Variants in VWA3A observed in about 807,000 individuals in gnomAD.
The protein encoded by VWA3A is von Willebrand factor A domain-containing protein 3A.
VWA3A carries 134 observed loss-of-function variants against 160.4 expected under a neutral mutation model. The observed-to-expected ratio is 0.84, with a 90% CI of 0.73 to 0.96. VWA3A has a LOEUF of 0.96. Among genes scored for constraint, VWA3A ranks in the 40% least tolerant of loss-of-function variants. VWA3A has a pLI of 0.00. For synonymous variants in VWA3A, 476 were observed against 543.4 expected (o/e 0.88, Z 1.72); for missense variants, 1,310 against 1,447.9 (o/e 0.90, Z 1.55).
At chr16:22,103,576 T>C (rs1409323831) in intron 6 of VWA3A, 47 bp downstream of exon 6, 2 of 1,545,886 alleles carry the variant, frequency 1.3e-6, no homozygotes, top group Non-Finnish European at 1.7e-6. Flanking sequence ...CTCATTCCAT[T>C]TGTATTTGTT....
chr16:22,152,714 G>T, intron 31 of VWA3A, 80 bp downstream of exon 31: 1 of 1,528,040 alleles, frequency 6.5e-7, no homozygotes. Context: ...TTTCCTTCTT[G>T]AACTCCTGGG....
intron 7 of VWA3A, 45 bp downstream of exon 7, chr16:22,109,625 C>T (rs2045526645): frequency 1.3e-6 from 2 of 1,539,674 alleles, no homozygotes; most frequent in South Asian, 1.1e-5. Flanking sequence ...CACCCACTAC[C>T]CCCAGCCTTT....
intron 3 of VWA3A, among the ~76,000 whole-genome samples, chr16:22,098,728 A>G (rs140809192): frequency 4.9e-4 from 75 of 152,220 alleles, no homozygotes; most frequent in Middle Eastern, 3.4e-3. Flanking sequence ...CTGTGTCCTA[A>G]AACATGACAT....
chr16:22,113,753 G>C (rs1200178556), intron 8 of VWA3A, among the ~76,000 whole-genome samples: 1 of 151,564 alleles, frequency 6.6e-6, no homozygotes, highest in Non-Finnish European at 1.5e-5. Context: ...GGTGTGCCCA[G>C]CTGATTTTTT....
intron 31 of VWA3A, among the ~76,000 whole-genome samples, chr16:22,154,210 T>G (rs2046396723): frequency 6.6e-6 from 1 of 152,102 alleles, no homozygotes; most frequent in African/African-American, 2.4e-5. Flanking sequence ...TGTTTAAGGC[T>G]CTCAGCTTAA....
intron 17 of VWA3A, among the ~76,000 whole-genome samples, chr16:22,130,328 G>A (rs1482282883): frequency 6.6e-6 from 1 of 152,080 alleles, no homozygotes; most frequent in Non-Finnish European, 1.5e-5. Context: ...CCAGGGGAAG[G>A]AGGATGTTCT....
At chr16:22,093,160 A>G (rs995734114) in intron 1 of VWA3A, among the ~76,000 whole-genome samples, 15 of 152,128 alleles carry the variant, frequency 9.9e-5, no homozygotes, top group African/African-American at 3.1e-4. Flanking sequence ...TCTAAACTCT[A>G]TTTTATGCAA....
chr16:22,105,608 A>G (rs1259921328), intron 6 of VWA3A, among the ~76,000 whole-genome samples: 3 of 152,208 alleles, frequency 2.0e-5, no homozygotes, highest in African/African-American at 4.8e-5. Context: ...AAATCCTGGT[A>G]TTTCACTTTT....
At chr16:22,115,691 G>A (rs1198467551) in intron 9 of VWA3A, among the ~76,000 whole-genome samples, 2 of 150,836 alleles carry the variant, frequency 1.3e-5, no homozygotes, top group African/African-American at 2.4e-5. Flanking sequence ...ACAAAAATTA[G>A]CTGGTCATGG....
chr16:22,116,790 T>C lies in VWA3A; in HGVS notation c.847T>C (p.Tyr283His), dbSNP rs2045655853. Residue 283 changes from tyrosine to histidine, a missense_variant, in exon 10 of 34, where the codon TAC becomes CAC. Physicochemically the swap from Tyr to His is moderately conservative, Grantham distance 83. Coordinates refer to ENST00000389398, the MANE Select transcript of VWA3A (RefSeq NM_173615.5). The stretch of plus-strand genomic sequence containing the variant: ...TCAGCCTTCTGAAATCCTGTCTGAC[T>C]ACATCCAGCAGTCCACCATGGGAAG... Reference protein sequence around the residue: ...PDQPSEILSDYIQQSTMGRDL... With the variant: ...PDQPSEILSDHIQQSTMGRDL... 6.2e-7 allele frequency: 1 copy of C among 1,613,456 alleles called. No individual in the cohort carries two copies. The highest frequency in any genetic ancestry group is 8.5e-7 in the Non-Finnish European group (1 of 1,179,904).
rs1485093901 is a variant in VWA3A, at chr16:22,100,284, T to G, written c.316T>G (p.Leu106Val). The G allele has an allele frequency of 1.3e-6, 2 of 1,551,612 alleles. No homozygotes were observed. Among genetic ancestry groups the G allele is most frequent in the African/African-American group, 2.7e-5 (2 of 73,132 alleles). The change falls in exon 4 of 34, where the codon TTG becomes GTG. Residue 106 changes from leucine (L) to valine (V), a missense_variant. By Grantham distance (32) the Leu-to-Val change is conservative (BLOSUM62 1). Transcript: ENST00000389398. ...CAGTTTAAAATGTCAGAAACTCACC[T>G]TGGCTGACCTGATAAGCCAGGGCAC... ...AHSLKCQKLTLADLISQGTEV... is the reference protein window; with the variant it reads ...AHSLKCQKLTVADLISQGTEV...
At chr16:22,131,004 T>C (rs1198306815) in intron 17 of VWA3A, among the ~76,000 whole-genome samples, 2 of 152,208 alleles carry the variant, frequency 1.3e-5, no homozygotes, top group Non-Finnish European at 2.9e-5. Context: ...CAAAGCTGGC[T>C]CACACTGTGT....
chr16:22,131,226 C>T lies in VWA3A; in HGVS notation c.1674C>T (p.Ser558=). 1.2e-6 allele frequency: 2 copies of T among 1,613,974 alleles called. No individual in the cohort carries two copies. Among genetic ancestry groups the T allele is most frequent in the Non-Finnish European group, 1.7e-6 (2 of 1,179,902 alleles). ...NLIAFGSTIE[S]WRPEMVPVSH... is the part of the protein sequence containing the mutation. ...AAAGGTTTGGAAGCACAATTGAAAG[C>T]TGGAGGCCTGAGATGGTTCCCGTGA... The change falls in exon 18 of 34, where the codon AGC becomes AGT. Residue 558 remains serine, a synonymous_variant. Transcript: ENST00000389398.
At chr16:22,121,242 A>C in intron 13 of VWA3A, 139 bp downstream of exon 13, 1 of 1,294,588 alleles carries the variant, frequency 7.7e-7, no homozygotes, top group East Asian at 2.3e-5. Context: ...GGCCAGGGAT[A>C]TGAGACCAAC....
At chr16:22,102,890 A>G (rs565245545) in intron 5 of VWA3A, among the ~76,000 whole-genome samples, 4 of 152,312 alleles carry the variant, frequency 2.6e-5, no homozygotes, top group African/African-American at 7.2e-5. Flanking sequence ...AGACGAGGTT[A>G]CATGAGCAGG....
intron 9 of VWA3A, chr16:22,116,397 AAG>A (rs751469163): frequency 8.8e-5 from 39 of 444,376 alleles, no homozygotes; most frequent in African/African-American, 2.5e-4. Flanking sequence ...GGAAAGAAGG[AAG>A]AGAGAGAAAA....
chr16:22,117,134 A>C lies in VWA3A; in HGVS notation c.948A>C (p.Glu316Asp), dbSNP rs780939781. 2 of 1,584,826 alleles carry C rather than the reference A, an allele frequency of 1.3e-6. No homozygotes were observed. Among genetic ancestry groups the C allele is most frequent in the Admixed American group, 3.6e-5 (2 of 55,834 alleles). Reference sequence around the variant, plus strand: ...AGGCTGTCCTGAAGAACCTTGCAGAAGCTGTTAGGGGCTACTACCACTGCT... The same window carrying C: ...AGGCTGTCCTGAAGAACCTTGCAGACGCTGTTAGGGGCTACTACCACTGCT... ...MPPAVLKNLA[E>D]AVRGYYHCYS... Residue 316 changes from glutamate (E) to aspartate (D), a missense_variant, in exon 11 of 34, where the codon GAA (glutamate) becomes GAC (aspartate). Coordinates refer to ENST00000389398, the MANE Select transcript of VWA3A (RefSeq NM_173615.5).
At chr16:22,128,296 T>G (rs2045887510) in intron 17 of VWA3A, among the ~76,000 whole-genome samples, 1 of 152,192 alleles carries the variant, frequency 6.6e-6, no homozygotes, top group African/African-American at 2.4e-5. Flanking sequence ...ACTGAAGGGA[T>G]GTAATACTGG....
chr16:22,152,839 A>T (rs576259605), intron 31 of VWA3A, among the ~76,000 whole-genome samples: 1 of 152,210 alleles, frequency 6.6e-6, no homozygotes, highest in Non-Finnish European at 1.5e-5. Flanking sequence ...TCGTTGAGAC[A>T]AAATATTAGC....
Sources: gnomAD v4.1 joint callset for allele counts (sites outside exome capture counted in the v4.1 genomes callset) on GRCh38, gnomAD v4.1.1 for gene constraint, MANE v1.5 for transcripts, NCBI Gene and HGNC (gene_info 2026-07-23, HGNC 2026-07-21) for gene names.